RGS5: variants seen among roughly 807,000 people sequenced by gnomAD.
RGS5 encodes the protein regulator of G protein signaling 5.
In RGS5, 20 loss-of-function variants were observed where a neutral mutation model predicts 18.9. The ratio of observed to expected loss-of-function variants is 1.06; its 90% CI spans 0.74 to 1.54. The LOEUF (loss-of-function observed/expected upper bound fraction) is 1.54. RGS5 is among the 40% of genes most tolerant of loss of function. RGS5 has a pLI of 0.00. For missense variants in RGS5, 201 were observed against 211.8 expected (o/e 0.95, Z 0.32); for synonymous variants, 57 against 76.2 (o/e 0.75, Z 1.31).
At chr1:163,181,239 T>A (rs1658832091) in intron 1 of RGS5, among the ~76,000 whole-genome samples, 1 of 152,034 alleles carries the variant, frequency 6.6e-6, no homozygotes, top group African/African-American at 2.4e-5. Context: ...TAACCTTATT[T>A]CCCATTATTC....
chr1:163,240,120 A>G (rs1647749108), intron 2 of RGS5, among the ~76,000 whole-genome samples: 1 of 152,120 alleles, frequency 6.6e-6, no homozygotes, highest in South Asian at 2.1e-4. Flanking sequence ...CTAAGTATTT[A>G]CCAAAAGAAA....
intron 2 of RGS5, among the ~76,000 whole-genome samples, chr1:163,295,526 T>G (rs1020976358): frequency 6.6e-6 from 1 of 152,196 alleles, no homozygotes; most frequent in African/African-American, 2.4e-5. Flanking sequence ...TTTAACAAGG[T>G]GGCTGATTTT....
At chr1:163,204,088 CCT>C (rs1268178808), upstream of RGS5, among the ~76,000 whole-genome samples, 5 of 151,992 alleles carry the variant, frequency 3.3e-5, no homozygotes, top group Non-Finnish European at 5.9e-5. Context: ...TTGATCAACC[CCT>C]GTTACTGGCT....
At chr1:163,228,698 G>A (rs1255029767) in intron 2 of RGS5, among the ~76,000 whole-genome samples, 1 of 152,174 alleles carries the variant, frequency 6.6e-6, no homozygotes, top group Non-Finnish European at 1.5e-5. Flanking sequence ...TCATCAGGCT[G>A]CAAATTTTCC....
intron 2 of RGS5, chr1:163,267,466 C>T (rs1297521016): frequency 6.6e-6 from 1 of 152,130 alleles, no homozygotes; most frequent in African/African-American, 2.4e-5. Context: ...GTAATTTTAA[C>T]TCATAAGTTA....
intron 2 of RGS5, among the ~76,000 whole-genome samples, chr1:163,235,256 A>C (rs937060450): frequency 5.9e-5 from 9 of 152,140 alleles, no homozygotes; most frequent in African/African-American, 1.9e-4. Context: ...GGCACTTTGG[A>C]TGTAGTTTCT....
intron 2 of RGS5, among the ~76,000 whole-genome samples, chr1:163,278,671 A>C (rs1007444272): frequency 1.3e-5 from 2 of 152,150 alleles, no homozygotes; most frequent in African/African-American, 4.8e-5. Flanking sequence ...ACAAGTTAAC[A>C]AAGTGACAGG....
upstream of RGS5, among the ~76,000 whole-genome samples, chr1:163,207,728 A>C: frequency 6.6e-6 from 1 of 152,190 alleles, no homozygotes; most frequent in Non-Finnish European, 1.5e-5. Flanking sequence ...GAAAGAAGAA[A>C]AGTAGAATTA....
At chr1:163,247,877 A>G (rs1269558353) in intron 2 of RGS5, among the ~76,000 whole-genome samples, 1 of 152,154 alleles carries the variant, frequency 6.6e-6, no homozygotes, top group African/African-American at 2.4e-5. Flanking sequence ...CCCATGGCGG[A>G]TGATCAATGA....
chr1:163,191,326 A>G (rs908297556), intron 1 of RGS5, among the ~76,000 whole-genome samples: 2 of 151,170 alleles, frequency 1.3e-5, no homozygotes, highest in Non-Finnish European at 2.9e-5. Context: ...TGTCAGATGC[A>G]AATGCTCAAA....
At position 163,285,996 on chromosome 1, in the gene RGS5, A is replaced by ATG. The variant is rs1440496473; in HGVS notation, c.-281+20235_-281+20236dup. Among the ~76,000 whole-genome samples the ATG allele has an allele frequency of 1.0e-4, 4 of 39,872 alleles. No homozygotes were observed. The East Asian group carries it at 3.4e-3, about 34-fold the overall frequency. The allele number at this position is 39,872 out of a possible 152,430, so 26.2% of individuals were successfully genotyped here. A position where few individuals can be genotyped will look rare whatever the true frequency, so the allele number is the denominator to read the frequency against. ...ACAGACTCATACAAGTATTTAATTT[A>ATG]TGCACACACACACACACACACATGC... On this transcript the variant is annotated intron_variant, in intron 2 of 5. Coordinates refer to the RGS5 transcript ENST00000618415.
chr1:163,185,821 C>A (rs542718174), intron 1 of RGS5, among the ~76,000 whole-genome samples: 2 of 152,196 alleles, frequency 1.3e-5, no homozygotes, highest in Non-Finnish European at 1.5e-5. Flanking sequence ...TCACAATAAT[C>A]CTATGAGACA....
At chr1:163,297,611 T>C (rs1443554091) in intron 2 of RGS5, among the ~76,000 whole-genome samples, 1 of 152,180 alleles carries the variant, frequency 6.6e-6, no homozygotes, top group African/African-American at 2.4e-5. Context: ...AAGTTTAAAC[T>C]TTCTTTGAGA....
chr1:163,202,876 C>G lies in RGS5; in HGVS notation c.-41G>C. The G allele has an allele frequency of 6.2e-7, 1 of 1,600,084 alleles. No individual in the cohort carries two copies. Among genetic ancestry groups the G allele is most frequent in the Non-Finnish European group, 8.6e-7 (1 of 1,168,162 alleles). On this transcript the variant is annotated 5_prime_UTR_variant, in exon 1 of 5. Transcript: ENST00000313961. ...AGCTCCTCCGCTTTAAGTACAACTTCTTAACAGCAGAGCCAGTCTTTGAAA... is the reference window on the plus strand; with the variant it reads ...AGCTCCTCCGCTTTAAGTACAACTTGTTAACAGCAGAGCCAGTCTTTGAAA...
intron 4 of RGS5, among the ~76,000 whole-genome samples, chr1:163,147,926 T>TCTTTCTTTC (rs1553211788): frequency 1.6e-5 from 2 of 125,684 alleles, no homozygotes; most frequent in African/African-American, 6.2e-5. Flanking sequence ...TTCTTTTTTT[T>TCTTTCTTTC]TTTTTTTTTT....
At chr1:163,241,304 G>T (rs983832256) in intron 2 of RGS5, among the ~76,000 whole-genome samples, 1 of 152,158 alleles carries the variant, frequency 6.6e-6, no homozygotes, top group Non-Finnish European at 1.5e-5. Flanking sequence ...CACAGAGCAG[G>T]TCTGGTTAAA....
intron 2 of RGS5, among the ~76,000 whole-genome samples, chr1:163,235,593 T>C (rs1361377372): frequency 6.6e-6 from 1 of 152,212 alleles, no homozygotes; most frequent in Non-Finnish European, 1.5e-5. Flanking sequence ...CATCTGGGTC[T>C]TTCTCGCTCT....
chr1:163,316,280 T>C (rs1057081026), intron 1 of RGS5, among the ~76,000 whole-genome samples: 1 of 152,180 alleles, frequency 6.6e-6, no homozygotes, highest in Non-Finnish European at 1.5e-5. Context: ...ATATGAAACA[T>C]TAGGCAGGTA....
At chr1:163,309,130 AC>A (rs1317270545) in intron 1 of RGS5, among the ~76,000 whole-genome samples, 1 of 152,124 alleles carries the variant, frequency 6.6e-6, no homozygotes, top group Non-Finnish European at 1.5e-5. Flanking sequence ...CAGGAGGATC[AC>A]TTGAGCTGGG....
Sources: allele counts gnomAD v4.1 joint callset (sites outside exome capture counted in the v4.1 genomes callset), GRCh38; gene constraint gnomAD v4.1.1; transcripts MANE v1.5; gene names NCBI Gene and HGNC (gene_info 2026-07-23, HGNC 2026-07-21).